KCNB2: variants seen among roughly 807,000 people sequenced by gnomAD.
KCNB2 encodes the protein delayed rectifier potassium channel protein.
KCNB2 carries 15 observed loss-of-function variants against 61.5 expected under a neutral mutation model. The observed-to-expected ratio is 0.24, with a 90% confidence interval of 0.16 to 0.38. KCNB2 has a LOEUF of 0.38. Among genes scored for constraint, KCNB2 ranks in the 10% least tolerant of loss-of-function variants. The probability of loss-of-function intolerance (pLI) is 1.00; values close to 1 mark genes in which losing one functional copy is unlikely to be tolerated. For missense variants in KCNB2, 828 were observed against 1,125.2 expected (o/e 0.74, Z 3.78); for synonymous variants, 457 against 446.0 (o/e 1.02, Z -0.31).
chr8:72,619,672 A>G (rs759557281), intron 2 of KCNB2, among the ~76,000 whole-genome samples: 31 of 152,104 alleles, frequency 2.0e-4, no homozygotes, highest in Non-Finnish European at 3.8e-4. Flanking sequence ...TTTCATTTCA[A>G]GAATTTTATT....
At chr8:72,834,318 T>C (rs1585919827) in intron 2 of KCNB2, among the ~76,000 whole-genome samples, 1 of 152,106 alleles carries the variant, frequency 6.6e-6, no homozygotes, top group East Asian at 1.9e-4. Context: ...GAGATGACTC[T>C]AGAGTTTCGA....
At chr8:72,927,137 C>G (rs1806667137) in intron 2 of KCNB2, among the ~76,000 whole-genome samples, 1 of 152,166 alleles carries the variant, frequency 6.6e-6, no homozygotes, top group African/African-American at 2.4e-5. Context: ...TGTGGTTGTT[C>G]TGGGGACAAC....
At chr8:72,698,399 G>T (rs1334155485) in intron 2 of KCNB2, among the ~76,000 whole-genome samples, 1 of 151,960 alleles carries the variant, frequency 6.6e-6, no homozygotes, top group African/African-American at 2.4e-5. Flanking sequence ...TACATTCATG[G>T]GGTAGAAGAA....
chr8:72,712,883 G>C (rs1486169646), intron 2 of KCNB2, among the ~76,000 whole-genome samples: 1 of 152,206 alleles, frequency 6.6e-6, no homozygotes, highest in Non-Finnish European at 1.5e-5. Context: ...CCTGGGAAGT[G>C]CAAGGGGTCA....
chr8:72,935,194 A>G (rs1213378279), intron 2 of KCNB2, among the ~76,000 whole-genome samples: 1 of 152,138 alleles, frequency 6.6e-6, no homozygotes, highest in African/African-American at 2.4e-5. Context: ...TCCTTACTTC[A>G]TTCTAAGCTG....
intron 2 of KCNB2, among the ~76,000 whole-genome samples, chr8:72,745,767 A>G (rs994132452): frequency 3.3e-5 from 5 of 152,070 alleles, no homozygotes; most frequent in Admixed American, 6.6e-5. Flanking sequence ...GATGGAGTTG[A>G]TATCACCTGG....
At chr8:72,627,791 C>A (rs1175983992) in intron 2 of KCNB2, among the ~76,000 whole-genome samples, 1 of 152,164 alleles carries the variant, frequency 6.6e-6, no homozygotes, top group African/African-American at 2.4e-5. Context: ...CTAACTGCAG[C>A]CTTTTGACAC....
chr8:72,868,123 G>T, intron 2 of KCNB2, among the ~76,000 whole-genome samples: 1 of 149,546 alleles, frequency 6.7e-6, no homozygotes, highest in East Asian at 2.0e-4. Context: ...GCAGGCTAGA[G>T]TTCAATGGTG....
intron 2 of KCNB2, among the ~76,000 whole-genome samples, chr8:72,726,223 A>G (rs969835736): frequency 4.6e-5 from 7 of 152,328 alleles, no homozygotes; most frequent in African/African-American, 1.4e-4. Context: ...TCATCCTGCC[A>G]TGTGAGAACA....
At chr8:72,935,782 T>A (rs576232447) in intron 2 of KCNB2, among the ~76,000 whole-genome samples, 153 bp from the exon 3 acceptor site, 1 of 152,324 alleles carries the variant, frequency 6.6e-6, no homozygotes, top group African/African-American at 2.4e-5. Flanking sequence ...TTTGTGTTAG[T>A]TAGGGAATTT....
intron 2 of KCNB2, among the ~76,000 whole-genome samples, chr8:72,646,955 T>G (rs1806138638): frequency 6.6e-6 from 1 of 152,064 alleles, no homozygotes; most frequent in South Asian, 2.1e-4. Flanking sequence ...TTGGCCAAAG[T>G]TCCAAAATAA....
chr8:72,633,842 T>C (rs1303264035), intron 2 of KCNB2, among the ~76,000 whole-genome samples: 2 of 152,134 alleles, frequency 1.3e-5, no homozygotes, highest in Non-Finnish European at 2.9e-5. Flanking sequence ...ACATCAACTG[T>C]GATATAAACG....
intron 2 of KCNB2, among the ~76,000 whole-genome samples, chr8:72,928,683 C>G (rs1368718783): frequency 1.3e-4 from 5 of 38,736 alleles, no homozygotes; most frequent in African/African-American, 4.1e-4. Flanking sequence ...CACACACAGA[C>G]ACACACACAC....
chr8:72,779,258 G>A (rs1472337915), intron 2 of KCNB2, among the ~76,000 whole-genome samples: 2 of 152,190 alleles, frequency 1.3e-5, no homozygotes, highest in East Asian at 3.8e-4. Context: ...CTATCCTATG[G>A]TGCAGTCGTT....
intron 2 of KCNB2, among the ~76,000 whole-genome samples, chr8:72,568,516 C>G (rs1806662217): frequency 6.6e-6 from 1 of 152,168 alleles, no homozygotes; most frequent in Non-Finnish European, 1.5e-5. Flanking sequence ...ATTACCCTTT[C>G]ATAAATATTA....
At chr8:72,735,836 A>G (rs529302256) in intron 2 of KCNB2, among the ~76,000 whole-genome samples, 1 of 152,278 alleles carries the variant, frequency 6.6e-6, no homozygotes, top group East Asian at 1.9e-4. Context: ...GATTGCTGTT[A>G]ATGGATGTTG....
chr8:72,657,127 G>A (rs1161130599), intron 2 of KCNB2, among the ~76,000 whole-genome samples: 3 of 152,024 alleles, frequency 2.0e-5, no homozygotes, highest in Non-Finnish European at 4.4e-5. Context: ...CATATGGTAG[G>A]CACAGTGCAA....
At chr8:72,561,784 TATATAC>T (rs1563523671) in intron 1 of KCNB2, among the ~76,000 whole-genome samples, 809 of 73,830 alleles carry the variant, frequency 0.011, 83 homozygotes, top group African/African-American at 0.064. Flanking sequence ...TATGGATATA[TATATAC>T]ATATATATAT....
Position 72,567,968 on chromosome 8 carries a change from C to T in KCNB2, c.234C>T (p.Asp78=). 13 of 1,613,934 alleles carry T rather than the reference C, an allele frequency of 8.1e-6. No individual in the cohort carries two copies. Among genetic ancestry groups the T allele is most frequent in the African/African-American group, 6.7e-5 (5 of 75,010 alleles). The change falls in exon 2 of 3, where the codon GAC becomes GAT. Residue 78 remains aspartate (D), a synonymous_variant. Transcript: ENST00000523207. ...NTHESLLEVC[D]DYNLNENEYF... is the part of the protein sequence containing the mutation. ...ACGAGAGCCTCCTGGAAGTGTGCGA[C>T]GACTATAATCTGAACGAGAACGAGT...
Sources: allele counts gnomAD v4.1 joint callset (sites outside exome capture counted in the v4.1 genomes callset), GRCh38; gene constraint gnomAD v4.1.1; transcripts MANE v1.5; gene names NCBI Gene and HGNC (gene_info 2026-07-23, HGNC 2026-07-21).